The following ERO1B variants were observed in gnomAD, a reference collection of about 807,000 sequenced individuals.
ERO1B encodes ERO1-like protein beta.
Under a neutral mutation model 75.3 loss-of-function variants are expected in ERO1B, and 49 were observed. The observed-to-expected ratio is 0.65, with a 90% CI of 0.52 to 0.83. The LOEUF (loss-of-function observed/expected upper bound fraction) is 0.83. Among genes scored for constraint, ERO1B ranks in the 40% least tolerant of loss-of-function variants. ERO1B has a pLI of 0.00. For missense variants in ERO1B, 512 were observed against 560.1 expected (o/e 0.91, Z 0.87); for synonymous variants, 191 against 192.9 (o/e 0.99, Z 0.08).
chr1:236,263,758 TTTTTG>T (rs1665345955), intron 2 of ERO1B, among the ~76,000 whole-genome samples: 1 of 150,682 alleles, frequency 6.6e-6, no homozygotes, highest in Non-Finnish European at 1.5e-5. Flanking sequence ...GCTAATATAT[TTTTTG>T]TTTTATTTTG....
intron 1 of ERO1B, among the ~76,000 whole-genome samples, chr1:236,277,120 T>G (rs1665725045): frequency 6.6e-6 from 1 of 152,310 alleles, no homozygotes; most frequent in East Asian, 1.9e-4. Context: ...AAGAATGGAC[T>G]AAGCCAGGCA....
intron 2 of ERO1B, among the ~76,000 whole-genome samples, chr1:236,268,278 A>G (rs928188436): frequency 1.3e-5 from 2 of 152,282 alleles, no homozygotes; most frequent in African/African-American, 4.8e-5. Context: ...CGTCTCTACT[A>G]AAAATACAAA....
intron 1 of ERO1B, among the ~76,000 whole-genome samples, chr1:236,280,249 G>T (rs922961335): frequency 6.6e-6 from 1 of 152,196 alleles, no homozygotes; most frequent in Non-Finnish European, 1.5e-5. Flanking sequence ...TATAAAAAGA[G>T]AAAATGGGAA....
In ERO1B at chr1:236,217,097, A is replaced by G. The variant is rs1664008098; in HGVS notation, c.*1419T>C. On this transcript the variant is annotated 3_prime_UTR_variant, in exon 16 of 16. Transcript: ENST00000354619. ...GAGGGGTGAGCCAAGCCAACTAAAT[A>G]CAATTTTTTAGATGTCACCAAATCA... is the stretch of plus-strand genomic sequence containing the variant. The G allele has an allele frequency of 6.6e-6, 1 of 152,056 alleles. No homozygotes were observed. The highest frequency in any genetic ancestry group is 6.6e-5 in the Admixed American group (1 of 15,262). 9.4% of individuals were successfully genotyped at this position (152,056 alleles called of 1,614,324 possible). A position where few individuals can be genotyped will look rare whatever the true frequency, so the allele number is the denominator to read the frequency against.
chr1:236,256,931 C>T (rs1665173075), intron 2 of ERO1B, among the ~76,000 whole-genome samples: 1 of 152,026 alleles, frequency 6.6e-6, no homozygotes, highest in African/African-American at 2.4e-5. Context: ...TAAAAAGTCA[C>T]CAGTTAGATC....
intron 6 of ERO1B, among the ~76,000 whole-genome samples, chr1:236,238,294 C>T (rs1331559638): frequency 6.6e-6 from 1 of 152,032 alleles, no homozygotes; most frequent in Non-Finnish European, 1.5e-5. Context: ...AAAAAACTGT[C>T]CAAGAACACA....
At chr1:236,263,777 GCTTT>G (rs1665347143) in intron 2 of ERO1B, among the ~76,000 whole-genome samples, 3 of 82,536 alleles carry the variant, frequency 3.6e-5, no homozygotes, top group Admixed American at 1.2e-4. Flanking sequence ...TATTTTGTTT[GCTTT>G]TTTTTTTTTT....
chr1:236,234,426 G>A (rs1664489047), intron 8 of ERO1B, among the ~76,000 whole-genome samples: 1 of 152,184 alleles, frequency 6.6e-6, no homozygotes, highest in Non-Finnish European at 1.5e-5. Flanking sequence ...TTCAAACTCT[G>A]TACTATGGAA....
intron 1 of ERO1B, among the ~76,000 whole-genome samples, chr1:236,279,186 T>C (rs1665768304): frequency 6.6e-6 from 1 of 152,182 alleles, no homozygotes; most frequent in African/African-American, 2.4e-5. Context: ...CGTGTAACCA[T>C]GTTATAGATT....
chr1:236,240,280 A>G (rs1664667399), intron 6 of ERO1B, among the ~76,000 whole-genome samples: 2 of 152,122 alleles, frequency 1.3e-5, no homozygotes, highest in South Asian at 4.1e-4. Context: ...GTCATACCAC[A>G]TTTTCTAGGA....
chr1:236,250,305 A>T (rs1175213756), intron 4 of ERO1B, among the ~76,000 whole-genome samples: 1 of 151,880 alleles, frequency 6.6e-6, no homozygotes, highest in East Asian at 1.9e-4. Context: ...CCCCGTCTCT[A>T]CTAAAAATAC....
rs562678151 is a variant in ERO1B, at chr1:236,218,906, T to C, written c.1344-330A>G. Among the ~76,000 whole-genome samples the C allele has an allele frequency of 3.3e-5, 5 of 152,298 alleles. No homozygotes were observed. The South Asian group carries it at 1.0e-3, about 32-fold the overall frequency. On this transcript the variant is annotated intron_variant, in intron 15 of 15. Transcript: ENST00000354619. ...CTTCAAATGATTGCTCTTTACTCAA[T>C]GTTCCCCAAACACACTAATTTGTCT... is the stretch of plus-strand genomic sequence containing the variant.
intron 4 of ERO1B, chr1:236,251,438 A>T: frequency 1.0e-6 from 1 of 959,442 alleles, no homozygotes; most frequent in Non-Finnish European, 1.2e-6. Flanking sequence ...CTGAAGCAAA[A>T]ATAAATACAA....
chr1:236,255,549 T>C (rs1354884604), intron 2 of ERO1B, among the ~76,000 whole-genome samples: 1 of 152,158 alleles, frequency 6.6e-6, no homozygotes, highest in Non-Finnish European at 1.5e-5. Context: ...AGACACCTAA[T>C]TAATATGGTT....
intron 14 of ERO1B, 122 bp from the exon 15 acceptor site, chr1:236,221,087 C>T: frequency 1.4e-6 from 1 of 695,632 alleles, no homozygotes; most frequent in Non-Finnish European, 2.1e-6. Flanking sequence ...GAGCTTTTCA[C>T]AAAAATATTA....
rs202149754 is a variant in ERO1B at position 236,225,151 on chromosome 1, A to G, written c.1053-12T>C. The stretch of plus-strand genomic sequence containing the variant: ...GCATGGGAAAGGACCTGATAAAATG[A>G]TAGTATTGGATTAAGTTACACATGA... On this transcript the variant is annotated splice_polypyrimidine_tract_variant and intron_variant, in intron 12 of 15. Transcript: ENST00000354619. The G allele has an allele frequency of 1.3e-3, 2,088 of 1,613,288 alleles. 2 individuals are homozygous for G. The highest frequency in any genetic ancestry group is 2.3e-3 in the Middle Eastern group (14 of 6,056).
intron 6 of ERO1B, among the ~76,000 whole-genome samples, chr1:236,240,306 C>T (rs1664668416): frequency 6.6e-6 from 1 of 152,036 alleles, no homozygotes; most frequent in African/African-American, 2.4e-5. Context: ...AACTTTCCTC[C>T]CTACTTCCTA....
At chr1:236,228,159 C>T (rs565698295) in intron 10 of ERO1B, among the ~76,000 whole-genome samples, 9 of 152,182 alleles carry the variant, frequency 5.9e-5, no homozygotes, top group African/African-American at 1.9e-4. Flanking sequence ...CAAAGCAAAA[C>T]TCATGAAAAT....
At chr1:236,263,392 G>A (rs1269367169) in intron 2 of ERO1B, among the ~76,000 whole-genome samples, 1 of 151,916 alleles carries the variant, frequency 6.6e-6, no homozygotes, top group African/African-American at 2.4e-5. Flanking sequence ...GGGATTACAA[G>A]CACACTCCAC....
Sources: allele counts gnomAD v4.1 joint callset (sites outside exome capture counted in the v4.1 genomes callset), GRCh38; gene constraint gnomAD v4.1.1; transcripts MANE v1.5; gene names NCBI Gene and HGNC (gene_info 2026-07-23, HGNC 2026-07-21).